KIF20B: variants seen among roughly 807,000 people sequenced by gnomAD.
KIF20B encodes the protein kinesin-like protein KIF20B.
Under a neutral mutation model 232.5 loss-of-function variants are expected in KIF20B, and 188 were observed. The observed-to-expected ratio is 0.81, with a 90% confidence interval of 0.72 to 0.91. KIF20B has a LOEUF of 0.91. Among genes scored for constraint, KIF20B ranks in the 40% least tolerant of loss-of-function variants. KIF20B has a pLI of 0.00. For missense variants in KIF20B, 2,154 were observed against 2,055.9 expected, an observed-to-expected ratio of 1.05 and a Z score of -0.92; for synonymous variants, 712 against 683.0, an observed-to-expected ratio of 1.04 and a Z score of -0.66.
Position 89,768,510 on chromosome 10 carries a change from G to A in KIF20B, c.5091+119G>A. On this transcript the variant is annotated intron_variant, in intron 30 of 32. Transcript: ENST00000371728. Reference sequence around the variant, plus strand: ...TGATTCAGTTGAAATGTAACCTTTAGCATTTGGCCAGTAGCATCTACTTTA... The same window carrying A: ...TGATTCAGTTGAAATGTAACCTTTAACATTTGGCCAGTAGCATCTACTTTA... 6 of 747,908 alleles carry A rather than the reference G, an allele frequency of 8.0e-6. 1 individual carries two copies. In the South Asian group the frequency reaches 1.1e-4, roughly 14 times the overall value. 46.3% of individuals were successfully genotyped at this position (747,908 alleles called of 1,614,324 possible).
At chr10:89,711,472 T>C (rs900643011) in intron 6 of KIF20B, among the ~76,000 whole-genome samples, 1 of 152,132 alleles carries the variant, frequency 6.6e-6, no homozygotes, top group Admixed American at 6.5e-5. Flanking sequence ...AAATTTAAAA[T>C]AGGGAATGTG....
At chr10:89,706,798 C>G (rs1233842173) in intron 2 of KIF20B, among the ~76,000 whole-genome samples, 1 of 152,076 alleles carries the variant, frequency 6.6e-6, no homozygotes, top group Admixed American at 6.5e-5. Flanking sequence ...ACACAATACT[C>G]TCTATTTCTG....
intron 14 of KIF20B, 93 bp downstream of exon 14, chr10:89,724,196 G>A (rs1045815167): frequency 4.9e-6 from 6 of 1,219,410 alleles, no homozygotes; most frequent in Non-Finnish European, 6.5e-6. Flanking sequence ...TATATTAGGT[G>A]GCTTCTGAAT....
intron 14 of KIF20B, 80 bp from the exon 15 acceptor site, chr10:89,724,940 A>G (rs967904489): frequency 4.4e-6 from 6 of 1,370,334 alleles, no homozygotes; most frequent in Non-Finnish European, 6.1e-6. Flanking sequence ...TCTAGAATAT[A>G]CTTAAACTTA....
rs201599384 is a variant in KIF20B at position 89,709,446 on chromosome 10, A to G, written c.336A>G (p.Lys112=). The G allele has an allele frequency of 3.8e-5, 61 of 1,611,086 alleles. No individual in the cohort carries two copies. In the East Asian group the frequency reaches 6.9e-4, roughly 18 times the overall value. ...SEKSSGQMAQ[K]FSFSKVFGPA... ...AAAGCTCAGGGCAGATGGCACAGAA[A>G]TTCAGTTTTTCCAAGGTAAAACTGA... The change falls in exon 4 of 33, where the codon AAA becomes AAG. Residue 112 remains lysine (K), a synonymous_variant. Transcript: ENST00000371728.
chr10:89,758,700 G>A lies in KIF20B; in HGVS notation c.4504-6G>A, dbSNP rs1334142994. 2 of 1,554,576 alleles carry A rather than the reference G, an allele frequency of 1.3e-6. No individual in the cohort carries two copies. The highest frequency in any genetic ancestry group is 1.2e-5 in the South Asian group (1 of 80,260). ...GATTTTAATATTTTCTTTATTTCCTGATTAGGAAATACTGACAGCCCAGCT... is the reference window on the plus strand; with the variant it reads ...GATTTTAATATTTTCTTTATTTCCTAATTAGGAAATACTGACAGCCCAGCT... On this transcript the variant is annotated splice_region_variant and splice_polypyrimidine_tract_variant and intron_variant, in intron 26 of 32. Transcript: ENST00000371728.
In KIF20B at chr10:89,738,383, C is replaced by A; in HGVS notation, c.3542C>A (p.Ala1181Asp). ...CAGAAAGTTGAATGTAGTCATTCAG[C>A]CAAGTTAGAACAAGACATTTTGGAA... ...ETQKVECSHS[A>D]KLEQDILEKE... Residue 1181 changes from alanine (A) to aspartate (D), a missense_variant, in exon 20 of 33, where the codon GCC (alanine) becomes GAC (aspartate). Coordinates refer to ENST00000371728, the MANE Select transcript of KIF20B (RefSeq NM_001284259.2). 1 of 1,605,478 alleles carries A rather than the reference C, an allele frequency of 6.2e-7. No homozygotes were observed. Among genetic ancestry groups the A allele is most frequent in the Non-Finnish European group, 8.5e-7 (1 of 1,177,672 alleles).
chr10:89,755,463 C>T (rs1430830751), intron 26 of KIF20B, among the ~76,000 whole-genome samples: 3 of 121,102 alleles, frequency 2.5e-5, no homozygotes, highest in East Asian at 3.1e-4. Context: ...CCTTCCCTCC[C>T]CTCCCCTCCC....
intron 2 of KIF20B, among the ~76,000 whole-genome samples, chr10:89,708,534 T>C (rs1842773730): frequency 6.6e-6 from 1 of 151,758 alleles, no homozygotes; most frequent in Admixed American, 6.6e-5. Context: ...AAATGTTTGA[T>C]AGAATTTACT....
In KIF20B at chr10:89,717,476, C is replaced by A; in HGVS notation, c.1105C>A (p.Arg369Ser). The change falls in exon 10 of 33, where the codon CGT becomes AGT. Residue 369 changes from arginine to serine, a missense_variant. By Grantham distance (110) the Arg-to-Ser change is moderately radical (BLOSUM62 -1). Transcript: ENST00000371728. ...ACAGATTGAAGATTCTGAAATGTCTCGTGTAATTCGAGTCAGTGAGTAAGT... is the reference window on the plus strand; with the variant it reads ...ACAGATTGAAGATTCTGAAATGTCTAGTGTAATTCGAGTCAGTGAGTAAGT... ...ILQIEDSEMS[R>S]VIRVSELSLC... 1 of 1,596,774 alleles carries A rather than the reference C, an allele frequency of 6.3e-7. No homozygotes were observed. The highest frequency in any genetic ancestry group is 8.6e-7 in the Non-Finnish European group (1 of 1,166,998).
rs1405467340 is a variant in KIF20B, at chr10:89,768,720, A to G, written c.5092-18A>G. 1.3e-6 allele frequency: 2 copies of G among 1,568,668 alleles called. No homozygotes were observed. The highest frequency in any genetic ancestry group is 2.8e-5 in the African/African-American group (2 of 72,126). On this transcript the variant is annotated intron_variant, in intron 30 of 32. Transcript: ENST00000371728. ...AACACTTCTCATCAACAATAACAAAAAATGTTTTGTTTATTAGGTTGCCAT... is the reference window on the plus strand; with the variant it reads ...AACACTTCTCATCAACAATAACAAAGAATGTTTTGTTTATTAGGTTGCCAT...
At chr10:89,751,869 A>AC (rs1407412896) in intron 24 of KIF20B, among the ~76,000 whole-genome samples, 1 of 151,998 alleles carries the variant, frequency 6.6e-6, no homozygotes, top group East Asian at 1.9e-4. Flanking sequence ...TTTCTAGAGT[A>AC]TATGGAAAAA....
In KIF20B at chr10:89,711,206, G is replaced by T. The variant is rs142815006; in HGVS notation, c.675+61G>T. 4.8e-6 allele frequency: 5 copies of T among 1,042,092 alleles called. No homozygotes were observed. The African/African-American group carries it at 8.1e-5, about 17-fold the overall frequency. The allele number at this position is 1,042,092 out of a possible 1,614,324, so 64.6% of individuals were successfully genotyped here. On this transcript the variant is annotated intron_variant, in intron 6 of 32. Transcript: ENST00000371728. ...TTCCTGACTTCTTATAAACCCTTTA[G>T]ATTGTTTCACCATATATTGGAATCT...
intron 18 of KIF20B, 117 bp from the exon 19 acceptor site, chr10:89,732,786 G>A (rs796921151): frequency 1.8e-5 from 16 of 876,258 alleles, no homozygotes; most frequent in African/African-American, 5.2e-5. Context: ...CTTAGAAAAT[G>A]TCTCAACAAA....
chr10:89,715,836 C>G (rs921324778), intron 8 of KIF20B, among the ~76,000 whole-genome samples: 1 of 151,650 alleles, frequency 6.6e-6, no homozygotes, highest in Non-Finnish European at 1.5e-5. Flanking sequence ...ACAAAAAATA[C>G]AAAAATTAGC....
intron 32 of KIF20B, 84 bp downstream of exon 32, chr10:89,772,915 T>C (rs1842494533): frequency 8.2e-7 from 1 of 1,222,468 alleles, no homozygotes; most frequent in African/African-American, 1.5e-5. Flanking sequence ...TTCAATTCTT[T>C]AGATCTCTGA....
chr10:89,703,218 C>T (rs1212144133), intron 1 of KIF20B, among the ~76,000 whole-genome samples: 1 of 152,044 alleles, frequency 6.6e-6, no homozygotes, highest in Non-Finnish European at 1.5e-5. Flanking sequence ...TGCAGATGCT[C>T]CCCCCTCTGC....
At chr10:89,710,302 A>G (rs1183093293) in intron 5 of KIF20B, among the ~76,000 whole-genome samples, 2 of 151,138 alleles carry the variant, frequency 1.3e-5, no homozygotes, top group East Asian at 3.9e-4. Context: ...GCTCACTACA[A>G]CCTCTGCCTC....
At chr10:89,773,642 T>C (rs1400640320) in intron 32 of KIF20B, among the ~76,000 whole-genome samples, 3 of 152,030 alleles carry the variant, frequency 2.0e-5, no homozygotes, top group African/African-American at 7.2e-5. Flanking sequence ...GTTATACATT[T>C]GTTGCCACGA....
Sources: gnomAD v4.1 joint callset for allele counts (sites outside exome capture counted in the v4.1 genomes callset) on GRCh38, gnomAD v4.1.1 for gene constraint, MANE v1.5 for transcripts, NCBI Gene and HGNC (gene_info 2026-07-23, HGNC 2026-07-21) for gene names.